Variants in KCNQ5 observed in about 807,000 individuals in gnomAD.
The protein encoded by KCNQ5 is potassium voltage-gated channel subfamily Q member 5, also known as potassium voltage-gated channel subfamily KQT member 5.
In KCNQ5, 30 loss-of-function variants were observed where a neutral mutation model predicts 98.2. The observed-to-expected ratio is 0.31, with a 90% confidence interval of 0.23 to 0.41. KCNQ5 has a LOEUF of 0.41. Among genes scored for constraint, KCNQ5 ranks in the 10% least tolerant of loss-of-function variants. KCNQ5 has a pLI of 1.00. For missense variants in KCNQ5, 835 were observed against 1,182.5 expected (o/e 0.71, Z 4.31); for synonymous variants, 458 against 449.4 (o/e 1.02, Z -0.24).
chr6:73,062,686 A>C (rs964125116), intron 3 of KCNQ5, among the ~76,000 whole-genome samples: 1 of 152,150 alleles, frequency 6.6e-6, no homozygotes, highest in African/African-American at 2.4e-5. Context: ...TTTTAATCTA[A>C]TTGCTTCAAT....
intron 1 of KCNQ5, among the ~76,000 whole-genome samples, chr6:72,661,713 T>C (rs1053825238): frequency 5.3e-5 from 8 of 152,180 alleles, no homozygotes; most frequent in Non-Finnish European, 1.0e-4. Context: ...AGGCTGCCTG[T>C]GACTTAACTA....
chr6:72,730,912 T>C (rs1181759979), intron 1 of KCNQ5, among the ~76,000 whole-genome samples: 7 of 151,832 alleles, frequency 4.6e-5, no homozygotes, highest in Non-Finnish European at 8.8e-5. Context: ...AATGTTTTTA[T>C]GGTACATTTT....
At chr6:72,827,231 A>G (rs896128401) in intron 1 of KCNQ5, among the ~76,000 whole-genome samples, 2 of 152,102 alleles carry the variant, frequency 1.3e-5, no homozygotes, top group East Asian at 3.9e-4. Context: ...TTTCCTTTGG[A>G]TAAGTTCCCA....
intron 1 of KCNQ5, among the ~76,000 whole-genome samples, chr6:72,770,881 AT>A (rs2154477422): frequency 6.6e-6 from 1 of 152,198 alleles, no homozygotes; most frequent in East Asian, 1.9e-4. Context: ...AGATTCCTTC[AT>A]TTATTTATTC....
intron 1 of KCNQ5, among the ~76,000 whole-genome samples, chr6:72,882,348 C>T (rs575991336): frequency 6.6e-6 from 1 of 152,238 alleles, no homozygotes; most frequent in African/African-American, 2.4e-5. Flanking sequence ...GTGGGTGGTT[C>T]TAAGATTCAT....
chr6:72,698,394 G>C (rs1768613983), intron 1 of KCNQ5, among the ~76,000 whole-genome samples: 1 of 151,858 alleles, frequency 6.6e-6, no homozygotes, highest in South Asian at 2.1e-4. Context: ...GTAGAGATGG[G>C]GTTTCTCCAT....
intron 1 of KCNQ5, among the ~76,000 whole-genome samples, chr6:72,667,939 G>C (rs1239088095): frequency 6.6e-6 from 1 of 152,156 alleles, no homozygotes; most frequent in East Asian, 1.9e-4. Context: ...TCACACACTG[G>C]AGGAGATTAA....
intron 1 of KCNQ5, among the ~76,000 whole-genome samples, chr6:72,712,402 A>G (rs1039339584): frequency 1.3e-5 from 2 of 152,250 alleles, no homozygotes; most frequent in African/African-American, 4.8e-5. Context: ...CAAGCCTAGC[A>G]TATGAATGAA....
In KCNQ5 at chr6:72,978,799, A is replaced by G. The variant is rs1209347146; in HGVS notation, c.399-25109A>G. On this transcript the variant is annotated intron_variant, in intron 1 of 13. Coordinates refer to ENST00000370398, the MANE Select transcript of KCNQ5 (RefSeq NM_019842.4). ...CCCATTAACTCGTCATTTACATTAC[A>G]TATTTCTCCTAATGCTATCCCTCCC... 1.5e-4 allele frequency among the ~76,000 whole-genome samples: 23 copies of G among 152,106 alleles called. No individual in the cohort carries two copies. In the East Asian group the frequency reaches 3.9e-3, roughly 25 times the overall value.
chr6:73,152,263 C>A (rs949891666), intron 10 of KCNQ5, among the ~76,000 whole-genome samples: 3 of 151,696 alleles, frequency 2.0e-5, no homozygotes, highest in Non-Finnish European at 2.9e-5. Context: ...GAAGATATTT[C>A]TCATAATAAA....
intron 2 of KCNQ5, among the ~76,000 whole-genome samples, chr6:73,020,920 G>GCA (rs61611777): frequency 0.087 from 13,180 of 150,726 alleles, 1,726 homozygotes; most frequent in African/African-American, 0.29. Context: ...GCCCACACAT[G>GCA]CACACACACA....
intron 1 of KCNQ5, among the ~76,000 whole-genome samples, chr6:72,697,619 T>C (rs1024155641): frequency 7.2e-5 from 11 of 152,154 alleles, no homozygotes; most frequent in African/African-American, 2.4e-4. Flanking sequence ...GCAGGAGTGA[T>C]GAAGAAATAT....
intron 2 of KCNQ5, among the ~76,000 whole-genome samples, chr6:73,029,656 G>A (rs138840877): frequency 3.1e-3 from 470 of 151,836 alleles, no homozygotes; most frequent in East Asian, 0.024. Context: ...TGATTTGGCC[G>A]GGCGCGGTGG....
intron 1 of KCNQ5, among the ~76,000 whole-genome samples, chr6:72,624,506 A>G (rs1367447864): frequency 6.6e-6 from 1 of 152,220 alleles, no homozygotes; most frequent in Non-Finnish European, 1.5e-5. Context: ...GAGAACTTGC[A>G]ACACAACATT....
At chr6:72,946,145 C>T (rs576800308) in intron 1 of KCNQ5, among the ~76,000 whole-genome samples, 14 of 152,258 alleles carry the variant, frequency 9.2e-5, no homozygotes, top group South Asian at 2.1e-4. Flanking sequence ...CAGTTCCAAA[C>T]GGCCTTTTAT....
At chr6:72,978,450 T>C (rs1768263319) in intron 1 of KCNQ5, among the ~76,000 whole-genome samples, 1 of 152,222 alleles carries the variant, frequency 6.6e-6, no homozygotes, top group Admixed American at 6.5e-5. Flanking sequence ...AGAGCCTTTT[T>C]ATTTATTTTG....
intron 1 of KCNQ5, among the ~76,000 whole-genome samples, chr6:72,660,153 T>G (rs1766436552): frequency 6.6e-6 from 1 of 152,242 alleles, no homozygotes; most frequent in Admixed American, 6.5e-5. Context: ...AGCTAATGTG[T>G]GTTGATCACT....
At chr6:73,023,171 T>C (rs1770685485) in intron 2 of KCNQ5, among the ~76,000 whole-genome samples, 1 of 152,096 alleles carries the variant, frequency 6.6e-6, no homozygotes, top group Non-Finnish European at 1.5e-5. Context: ...ACTGAATTCA[T>C]AGAACATTCC....
chr6:73,010,224 G>A (rs1486927778), intron 2 of KCNQ5, among the ~76,000 whole-genome samples: 2 of 151,988 alleles, frequency 1.3e-5, no homozygotes, highest in Non-Finnish European at 2.9e-5. Flanking sequence ...AGTGTTATAG[G>A]CCACATTAAC....
Sources: gnomAD v4.1 joint callset for allele counts (sites outside exome capture counted in the v4.1 genomes callset) on GRCh38, gnomAD v4.1.1 for gene constraint, MANE v1.5 for transcripts, NCBI Gene and HGNC (gene_info 2026-07-23, HGNC 2026-07-21) for gene names.